Variants in UGT2A2 observed in about 807,000 individuals in gnomAD.
UGT2A2 encodes the protein UDP-glucuronosyltransferase 2A2.
In UGT2A2, 60 loss-of-function variants were observed where a neutral mutation model predicts 50.7. The ratio of observed to expected loss-of-function variants is 1.18; its 90% CI spans 0.96 to 1.47. The LOEUF is 1.47. Ranked by LOEUF, UGT2A2 falls within the 40% of genes most tolerant of loss-of-function variation. The pLI, the probability that UGT2A2 is intolerant of heterozygous loss-of-function variation, is 0.00. For missense variants in UGT2A2, 762 were observed against 634.0 expected, an observed-to-expected ratio of 1.20 and a Z score of -2.17; for synonymous variants, 242 against 214.6, an observed-to-expected ratio of 1.13 and a Z score of -1.11.
chr4:69,625,058 G>T (rs997020931), intron 1 of UGT2A2, among the ~76,000 whole-genome samples: 2 of 151,018 alleles, frequency 1.3e-5, no homozygotes, highest in African/African-American at 2.4e-5. Flanking sequence ...TAAATTTGCT[G>T]GGAATATATG....
intron 1 of UGT2A2, among the ~76,000 whole-genome samples, chr4:69,627,100 A>G (rs1398056221): frequency 1.8e-4 from 27 of 151,912 alleles, no homozygotes; most frequent in Non-Finnish European, 3.1e-4. Context: ...TTCAATGGAC[A>G]AAGAGAGAAA....
chr4:69,635,828 C>CAAAAAATAAAAAAAA (rs1721658922), intron 1 of UGT2A2: 1 of 49,134 alleles, frequency 2.0e-5, no homozygotes, highest in Non-Finnish European at 3.9e-5. Context: ...TCCACCTCAC[C>CAAAAAATAAAAAAAA]AAAAAAAAAA....
At chr4:69,616,993 T>G (rs563317772) in intron 1 of UGT2A2, among the ~76,000 whole-genome samples, 86 of 152,012 alleles carry the variant, frequency 5.7e-4, no homozygotes, top group African/African-American at 2.0e-3. Flanking sequence ...AGTTAAAATG[T>G]AGGTGAATGA....
At chr4:69,624,080 C>A (rs982361112) in intron 1 of UGT2A2, among the ~76,000 whole-genome samples, 6 of 151,630 alleles carry the variant, frequency 4.0e-5, no homozygotes, top group African/African-American at 1.4e-4. Context: ...TGAGAGAGGA[C>A]CATCATAATC....
At chr4:69,637,734 G>A (rs1462284728) in intron 1 of UGT2A2, among the ~76,000 whole-genome samples, 1 of 152,100 alleles carries the variant, frequency 6.6e-6, no homozygotes, top group East Asian at 1.9e-4. Flanking sequence ...CTCCTCTCAT[G>A]AGAATGTAAG....
At chr4:69,623,548 T>C (rs1249414178) in intron 1 of UGT2A2, among the ~76,000 whole-genome samples, 1 of 151,250 alleles carries the variant, frequency 6.6e-6, no homozygotes, top group Non-Finnish European at 1.5e-5. Flanking sequence ...TTTTAAAATA[T>C]AAAATAATAT....
intron 1 of UGT2A2, among the ~76,000 whole-genome samples, chr4:69,606,884 A>AGGG (rs1719660944): frequency 7.4e-6 from 1 of 134,628 alleles, no homozygotes; most frequent in Non-Finnish European, 1.6e-5. Flanking sequence ...GGACCTCTTC[A>AGGG]AGAACTACAA....
At chr4:69,605,908 C>T (rs1422279917) in intron 1 of UGT2A2, among the ~76,000 whole-genome samples, 2 of 136,480 alleles carry the variant, frequency 1.5e-5, no homozygotes, top group Non-Finnish European at 3.1e-5. Context: ...CAATAACAGG[C>T]TCTGAAATTG....
intron 1 of UGT2A2, among the ~76,000 whole-genome samples, chr4:69,629,425 G>A (rs569596314): frequency 6.6e-6 from 1 of 152,168 alleles, no homozygotes; most frequent in East Asian, 1.9e-4. Context: ...TGCCTAATAA[G>A]AGTGTTTTTG....
intron 1 of UGT2A2, among the ~76,000 whole-genome samples, chr4:69,620,727 T>C (rs953276242): frequency 6.8e-6 from 1 of 147,078 alleles, no homozygotes; most frequent in African/African-American, 2.5e-5. Flanking sequence ...CATCACACAA[T>C]CCAACTTTAA....
In UGT2A2 at chr4:69,617,063, C is replaced by G. The variant is rs561539709; in HGVS notation, c.743-17669G>C. 2.6e-5 allele frequency among the ~76,000 whole-genome samples: 4 copies of G among 151,918 alleles called. No homozygotes were observed. In the South Asian group the frequency reaches 8.3e-4, roughly 32 times the overall value. On this transcript the variant is annotated intron_variant, in intron 1 of 5. Coordinates refer to ENST00000604629, the MANE Select transcript of UGT2A2 (RefSeq NM_001105677.2). ...CAGTTTCCAATTGCCAGGAAATTCT[C>G]AACTTCTCTGATCTTGATTTCTTCA...
intron 1 of UGT2A2, among the ~76,000 whole-genome samples, chr4:69,626,984 T>C (rs1172031952): frequency 6.6e-6 from 1 of 151,834 alleles, no homozygotes; most frequent in Admixed American, 6.6e-5. Context: ...AAACTTAAAA[T>C]TAAACACTTC....
Position 69,623,272 on chromosome 4 carries a change from C to G in UGT2A2, c.742+15627G>C, listed in dbSNP as rs543432914. Among the ~76,000 whole-genome samples, 5 of 151,904 alleles carry G rather than the reference C, an allele frequency of 3.3e-5. No homozygotes were observed. The East Asian group carries it at 9.7e-4, about 29-fold the overall frequency. ...ACCCCATTTCTACCAGTAATGTAGT[C>G]TCTACAGCTATCTAGCCTAGGATTA... On this transcript the variant is annotated intron_variant, in intron 1 of 5. Coordinates refer to ENST00000604629, the MANE Select transcript of UGT2A2 (RefSeq NM_001105677.2).
chr4:69,632,011 A>G (rs542166839), intron 1 of UGT2A2, among the ~76,000 whole-genome samples: 3 of 152,330 alleles, frequency 2.0e-5, no homozygotes, highest in Admixed American at 6.5e-5. Flanking sequence ...ATACCACATT[A>G]TAGTTATTAG....
intron 1 of UGT2A2, among the ~76,000 whole-genome samples, chr4:69,624,387 T>C (rs1323445733): frequency 1.3e-5 from 2 of 151,412 alleles, no homozygotes; most frequent in Non-Finnish European, 3.0e-5. Context: ...CAGAGTTTAG[T>C]CTTGCTTTTT....
intron 1 of UGT2A2, among the ~76,000 whole-genome samples, chr4:69,608,159 T>G: frequency 6.6e-6 from 1 of 152,084 alleles, no homozygotes; most frequent in East Asian, 1.9e-4. Context: ...AGCAAAGACT[T>G]GGAACCAACC....
At chr4:69,614,774 A>T (rs551513553) in intron 1 of UGT2A2, among the ~76,000 whole-genome samples, 1 of 152,170 alleles carries the variant, frequency 6.6e-6, no homozygotes, top group South Asian at 2.1e-4. Flanking sequence ...TAGAACAATG[A>T]AAGTGGACCT....
At chr4:69,611,713 C>T (rs1458398670) in intron 1 of UGT2A2, among the ~76,000 whole-genome samples, 1 of 151,794 alleles carries the variant, frequency 6.6e-6, no homozygotes, top group Admixed American at 6.6e-5. Context: ...TTTGAGTAAG[C>T]AAGAAAATAA....
chr4:69,608,575 A>T lies in UGT2A2; in HGVS notation c.743-9181T>A, dbSNP rs996112234. 3.3e-5 allele frequency among the ~76,000 whole-genome samples: 5 copies of T among 152,120 alleles called. No individual in the cohort carries two copies. In the South Asian group the frequency reaches 1.0e-3, roughly 32 times the overall value. On this transcript the variant is annotated intron_variant, in intron 1 of 5. Coordinates refer to ENST00000604629, the MANE Select transcript of UGT2A2 (RefSeq NM_001105677.2). The stretch of plus-strand genomic sequence containing the variant: ...AACTTAAAGTATAATAAAAAGAAAA[A>T]GAAAAAAAGAAAATAGGTAGGCTGA...
Sources: gnomAD v4.1 joint callset for allele counts (sites outside exome capture counted in the v4.1 genomes callset) on GRCh38, gnomAD v4.1.1 for gene constraint, MANE v1.5 for transcripts, NCBI Gene and HGNC (gene_info 2026-07-23, HGNC 2026-07-21) for gene names.